The following ADGRL4 variants were observed in gnomAD, a reference collection of about 807,000 sequenced individuals.
ADGRL4 encodes adhesion G protein-coupled receptor L4.
Under a neutral mutation model 74.8 loss-of-function variants are expected in ADGRL4, and 90 were observed. The ratio of observed to expected loss-of-function variants is 1.20; its 90% confidence interval spans 1.02 to 1.43. The LOEUF (loss-of-function observed/expected upper bound fraction) is 1.43, where lower values mean the gene tolerates loss of function less well. ADGRL4 is among the 40% of genes most tolerant of loss of function. ADGRL4 has a pLI of 0.00. For missense variants in ADGRL4, 881 were observed against 814.3 expected (o/e 1.08, Z -1.00); for synonymous variants, 311 against 279.2 (o/e 1.11, Z -1.14).
At chr1:78,914,689 T>C (rs1249992275) in intron 12 of ADGRL4, among the ~76,000 whole-genome samples, 1 of 151,864 alleles carries the variant, frequency 6.6e-6, no homozygotes, top group Admixed American at 6.6e-5. Flanking sequence ...CCATAGCTTT[T>C]AGTAATTTTA....
intron 7 of ADGRL4, among the ~76,000 whole-genome samples, chr1:78,930,564 C>T (rs1028675907): frequency 2.0e-5 from 3 of 149,650 alleles, no homozygotes; most frequent in East Asian, 2.0e-4. Flanking sequence ...CAATTCTCTG[C>T]CTCAGCCACC....
intron 12 of ADGRL4, among the ~76,000 whole-genome samples, chr1:78,895,247 A>G (rs1648369192): frequency 6.6e-6 from 1 of 152,012 alleles, no homozygotes; most frequent in African/African-American, 2.4e-5. Context: ...ATCCACATTC[A>G]TTGATAATAA....
rs1650932227 is a variant in ADGRL4, at chr1:79,005,148, T to C, written c.94A>G (p.Lys32Glu). 2 of 1,613,790 alleles carry C rather than the reference T, an allele frequency of 1.2e-6. No individual in the cohort carries two copies. The highest frequency in any genetic ancestry group is 1.3e-5 in the African/African-American group (1 of 75,040). ...TCAATTCCATTGCGTATTTCACATTTTGCATTTGGGAGACAAGGTGTCTTG... is the reference window on the plus strand; with the variant it reads ...TCAATTCCATTGCGTATTTCACATTCTGCATTTGGGAGACAAGGTGTCTTG... ...CTKTPCLPNAKCEIRNGIEAC... is the reference protein window; with the variant it reads ...CTKTPCLPNAECEIRNGIEAC... Residue 32 changes from lysine (K) to glutamate (E), a missense_variant, in exon 2 of 15, where the codon AAA (lysine) becomes GAA (glutamate). Physicochemically the swap from Lys to Glu is moderately conservative, Grantham distance 56. Coordinates refer to ENST00000370742, the MANE Select transcript of ADGRL4 (RefSeq NM_022159.4).
At position 78,929,666 on chromosome 1, in the gene ADGRL4, G is replaced by C. The variant is rs542724832; in HGVS notation, c.878-2575C>G. Among the ~76,000 whole-genome samples the C allele has an allele frequency of 2.0e-5, 3 of 151,672 alleles. 1 individual carries two copies. Among genetic ancestry groups the C allele is most frequent in the African/African-American group, 7.3e-5 (3 of 40,968 alleles). On this transcript the variant is annotated intron_variant, in intron 7 of 14. Coordinates refer to ENST00000370742, the MANE Select transcript of ADGRL4 (RefSeq NM_022159.4). The stretch of plus-strand genomic sequence containing the variant: ...CTTGCAGACATCATTGAGAGGGTTT[G>C]ATCAATGTGTTAGATTTGTCCTTAT...
chr1:78,945,008 A>G (rs1397854907), intron 3 of ADGRL4, among the ~76,000 whole-genome samples: 1 of 151,762 alleles, frequency 6.6e-6, no homozygotes, highest in African/African-American at 2.4e-5. Context: ...CTACTAAAAT[A>G]CAAAAAATTA....
At chr1:78,971,135 T>G (rs551883626) in intron 2 of ADGRL4, among the ~76,000 whole-genome samples, 2 of 152,292 alleles carry the variant, frequency 1.3e-5, no homozygotes, top group East Asian at 1.9e-4. Context: ...TGGCCCCTTC[T>G]GCTGGGAACC....
intron 2 of ADGRL4, among the ~76,000 whole-genome samples, chr1:78,984,598 G>A (rs753777423): frequency 1.4e-4 from 21 of 151,718 alleles, no homozygotes; most frequent in Non-Finnish European, 2.8e-4. Context: ...ATAGTGTGTC[G>A]AAACAAGTTT....
chr1:78,955,563 C>G (rs970120397), intron 2 of ADGRL4, among the ~76,000 whole-genome samples: 2 of 151,220 alleles, frequency 1.3e-5, no homozygotes, highest in Admixed American at 1.3e-4. Context: ...TGTTTTTTTT[C>G]CTACAATAAA....
intron 2 of ADGRL4, among the ~76,000 whole-genome samples, chr1:78,994,019 T>A (rs1650667237): frequency 6.6e-6 from 1 of 152,160 alleles, no homozygotes; most frequent in Non-Finnish European, 1.5e-5. Flanking sequence ...AACAGACCAT[T>A]ACAAGGCATT....
chr1:78,944,741 G>A (rs1225262702), intron 3 of ADGRL4, among the ~76,000 whole-genome samples: 1 of 152,120 alleles, frequency 6.6e-6, no homozygotes, highest in African/African-American at 2.4e-5. Flanking sequence ...CAAAATGTAT[G>A]AATCTAGAGT....
intron 12 of ADGRL4, among the ~76,000 whole-genome samples, chr1:78,895,245 T>TCATTATCCA (rs1648369139): frequency 6.6e-6 from 1 of 152,030 alleles, no homozygotes; most frequent in Admixed American, 6.6e-5. Context: ...TTATCCACAT[T>TCATTATCCA]CATTGATAAT....
Position 78,893,123 on chromosome 1 carries a change from C to G in ADGRL4, c.1816G>C (p.Glu606Gln), listed in dbSNP as rs1343239556. The G allele has an allele frequency of 6.3e-7, 1 of 1,593,110 alleles. No individual in the cohort carries two copies. The highest frequency in any genetic ancestry group is 1.4e-5 in the African/African-American group (1 of 73,240). Residue 606 changes from glutamate to glutamine, a missense_variant, in exon 13 of 15, where the codon GAA (glutamate) becomes CAA (glutamine). Physicochemically the swap from Glu to Gln is conservative, Grantham distance 29 (BLOSUM62 2). Coordinates refer to ENST00000370742, the MANE Select transcript of ADGRL4 (RefSeq NM_022159.4). ...VFRHTAGLKP[E>Q]VSCFENIRSC... is the part of the protein sequence containing the mutation. The stretch of plus-strand genomic sequence containing the variant: ...CTTATGTTCTCAAAGCAACTAACTT[C>G]TGGTTTCAACCCTGCAGTGTGACGA...
At chr1:78,899,308 G>A (rs1392579353) in intron 12 of ADGRL4, among the ~76,000 whole-genome samples, 1 of 152,164 alleles carries the variant, frequency 6.6e-6, no homozygotes, top group Non-Finnish European at 1.5e-5. Context: ...ATATACAGCA[G>A]CTTTTCATTC....
In ADGRL4 at chr1:78,936,332, AT is replaced by A. The variant is rs776845593; in HGVS notation, c.839del (p.Asn280IlefsTer38). On this transcript the variant is annotated frameshift_variant, in exon 7 of 15. Transcript: ENST00000370742. LOFTEE classifies it high-confidence loss of function. The part of the protein sequence containing the change: ...PHMNMDGDYI[N>X]IFPKRKAAYD... ...ATGCAGCTTTTCTCTTTGGAAATAT[AT>A]TTATGTAGTCTCCATCCATATTCAT... 3.0e-5 allele frequency: 48 copies of A among 1,595,234 alleles called. No individual in the cohort carries two copies. The highest frequency in any genetic ancestry group is 4.0e-5 in the Non-Finnish European group (47 of 1,172,910).
chr1:78,936,542 A>G (rs962543424), intron 6 of ADGRL4, 131 bp from the exon 7 acceptor site: 2 of 834,376 alleles, frequency 2.4e-6, no homozygotes, highest in Non-Finnish European at 3.4e-6. Flanking sequence ...TAGAGTGAAC[A>G]TTCTTAATGT....
At position 79,005,179 on chromosome 1, in the gene ADGRL4, A is replaced by G. The variant is rs780296606; in HGVS notation, c.63T>C (p.Asn21=). 1.9e-6 allele frequency: 3 copies of G among 1,613,628 alleles called. No homozygotes were observed. The highest frequency in any genetic ancestry group is 2.5e-6 in the Non-Finnish European group (3 of 1,179,736). The part of the protein sequence containing the change: ...STLLNCSYTQ[N]CTKTPCLPNA... ...TTGGGAGACAAGGTGTCTTGGTGCAATTTTGAGTATAGGAACAATTCAACA... is the reference window on the plus strand; with the variant it reads ...TTGGGAGACAAGGTGTCTTGGTGCAGTTTTGAGTATAGGAACAATTCAACA... The change falls in exon 2 of 15, where the codon AAT becomes AAC. Residue 21 remains asparagine (N), a synonymous_variant. Coordinates refer to ENST00000370742, the MANE Select transcript of ADGRL4 (RefSeq NM_022159.4).
chr1:78,890,157 T>A lies in ADGRL4; in HGVS notation c.*997A>T, dbSNP rs1296532913. The A allele has an allele frequency of 2.0e-5, 3 of 153,690 alleles. No homozygotes were observed. Among genetic ancestry groups the A allele is most frequent in the African/African-American group, 7.2e-5 (3 of 41,462 alleles). The allele number at this position is 153,690 out of a possible 1,614,324, so 9.5% of individuals were successfully genotyped here. On this transcript the variant is annotated 3_prime_UTR_variant, in exon 15 of 15. Coordinates refer to ENST00000370742, the MANE Select transcript of ADGRL4 (RefSeq NM_022159.4). ...AATAGCAATTCACTTTATAAATACT[T>A]TCATATTTACAATACCCCTTTAAAA...
At chr1:78,894,332 C>T (rs531427294) in intron 12 of ADGRL4, among the ~76,000 whole-genome samples, 1 of 151,746 alleles carries the variant, frequency 6.6e-6, no homozygotes, top group Admixed American at 6.6e-5. Flanking sequence ...GAGGAAATCT[C>T]GGAAGAATAA....
intron 12 of ADGRL4, among the ~76,000 whole-genome samples, chr1:78,904,210 G>A (rs1648581245): frequency 6.6e-6 from 1 of 151,740 alleles, no homozygotes; most frequent in African/African-American, 2.4e-5. Context: ...TTAGAACAGA[G>A]TACCCAGAGT....
Sources: allele counts gnomAD v4.1 joint callset (sites outside exome capture counted in the v4.1 genomes callset), GRCh38; gene constraint gnomAD v4.1.1; transcripts MANE v1.5; gene names NCBI Gene and HGNC (gene_info 2026-07-23, HGNC 2026-07-21).